RGS3: variants seen among roughly 807,000 people sequenced by gnomAD.
RGS3 encodes the protein regulator of G-protein signalling 3.
Under a neutral mutation model 132.6 loss-of-function variants are expected in RGS3, and 80 were observed. The ratio of observed to expected loss-of-function variants is 0.60; its 90% confidence interval spans 0.50 to 0.73. The LOEUF is 0.73. RGS3 is among the 30% of genes least tolerant of loss of function. RGS3 has a pLI of 0.00. For synonymous variants in RGS3, 598 were observed against 620.6 expected, an observed-to-expected ratio of 0.96 and a Z score of 0.54; for missense variants, 1,382 against 1,530.8, an observed-to-expected ratio of 0.90 and a Z score of 1.62.
Position 113,463,775 on chromosome 9 carries a change from G to A in RGS3, c.415+1574G>A, listed in dbSNP as rs1432387099. 7 of 1,587,482 alleles carry A rather than the reference G, an allele frequency of 4.4e-6. No individual in the cohort carries two copies. The Admixed American group carries it at 7.2e-5, about 16-fold the overall frequency. On this transcript the variant is annotated intron_variant, in intron 3 of 24. Coordinates refer to ENST00000350696, the Ensembl canonical transcript of RGS3. The surrounding 1 kb of genome is among the most constrained non-coding windows in gnomAD (Gnocchi z 4.6). Reference sequence around the variant, plus strand: ...AACACAGCCGCCTCGGGTTGCAGACGCTCCTGTCCGGGTCGCAGTGGGACG... The same window carrying A: ...AACACAGCCGCCTCGGGTTGCAGACACTCCTGTCCGGGTCGCAGTGGGACG...
chr9:113,577,529 A>G (rs1048569641), intron 19 of RGS3, among the ~76,000 whole-genome samples: 1 of 152,142 alleles, frequency 6.6e-6, no homozygotes, highest in Non-Finnish European at 1.5e-5. Context: ...TAGAGGAGGA[A>G]TGATGGACTT....
At chr9:113,551,033 T>G (rs908761848) in intron 19 of RGS3, among the ~76,000 whole-genome samples, 4 of 152,248 alleles carry the variant, frequency 2.6e-5, no homozygotes, top group African/African-American at 9.6e-5. Context: ...TTTTAGTGTA[T>G]TCACACACTT....
At chr9:113,497,206 C>G (rs1223528805) in intron 8 of RGS3, 108 bp from the exon 7 acceptor site, 1 of 805,022 alleles carries the variant, frequency 1.2e-6, no homozygotes, top group Non-Finnish European at 2.1e-6. Context: ...GAGTCTGTCT[C>G]TCCTGTGGGT....
At chr9:113,456,541 C>T (rs776082659), upstream of RGS3, among the ~76,000 whole-genome samples, 10 of 152,186 alleles carry the variant, frequency 6.6e-5, no homozygotes, top group Admixed American at 2.6e-4. Flanking sequence ...TGCCACTTCC[C>T]TAGTTTGGTC....
At position 113,463,905 on chromosome 9, in the gene RGS3, G is replaced by A. The variant is rs1564448598; in HGVS notation, c.415+1704G>A. ...TGGTAAGTGCCCGCTGGGGCTGGCG[G>A]CAGGGGCTGCTTCACCCTGCTCCCA... On this transcript the variant is annotated intron_variant, in intron 3 of 24. Coordinates refer to ENST00000350696, the Ensembl canonical transcript of RGS3. The surrounding 1 kb of genome is among the most constrained non-coding windows in gnomAD (Gnocchi z 4.6). 2 of 1,611,212 alleles carry A rather than the reference G, an allele frequency of 1.2e-6. No homozygotes were observed. The highest frequency in any genetic ancestry group is 1.7e-6 in the Non-Finnish European group (2 of 1,178,866).
chr9:113,588,142 C>T (rs1427309102), intron 20 of RGS3, among the ~76,000 whole-genome samples: 1 of 152,224 alleles, frequency 6.6e-6, no homozygotes, highest in Admixed American at 6.5e-5. Context: ...CTGCAGGGGA[C>T]TGGCCTGGGC....
chr9:113,557,074 T>C (rs1256856847), intron 19 of RGS3, among the ~76,000 whole-genome samples: 1 of 152,262 alleles, frequency 6.6e-6, no homozygotes, highest in East Asian at 1.9e-4. Context: ...CAGTGCCTAA[T>C]GTGTGTCAAA....
At chr9:113,556,482 A>G (rs1833571736) in intron 19 of RGS3, among the ~76,000 whole-genome samples, 2 of 152,152 alleles carry the variant, frequency 1.3e-5, no homozygotes, top group Non-Finnish European at 2.9e-5. Flanking sequence ...CACTATTGTT[A>G]TTATCCTCAT....
chr9:113,477,688 A>G (rs1830036708), intron 3 of RGS3, among the ~76,000 whole-genome samples: 2 of 152,220 alleles, frequency 1.3e-5, no homozygotes, highest in African/African-American at 4.8e-5. Context: ...GATCCGGGCA[A>G]TGAAAGTTAC....
chr9:113,502,980 C>A (rs1830965965), intron 10 of RGS3, among the ~76,000 whole-genome samples: 2 of 152,192 alleles, frequency 1.3e-5, no homozygotes, highest in African/African-American at 4.8e-5. Context: ...GGCTCAGTGT[C>A]TGCTGTGCAT....
At chr9:113,521,224 A>G (rs1831940398) in intron 16 of RGS3, among the ~76,000 whole-genome samples, 1 of 152,148 alleles carries the variant, frequency 6.6e-6, no homozygotes, top group East Asian at 1.9e-4. Context: ...GGAGAAGCCA[A>G]AGCCCCTGAG....
In RGS3 at chr9:113,579,909, A is replaced by G. The variant is rs1316917270; in HGVS notation, c.2038-3541A>G. On this transcript the variant is annotated intron_variant, in intron 19 of 24. Coordinates refer to ENST00000350696, the Ensembl canonical transcript of RGS3. The surrounding 1 kb of genome is among the most constrained non-coding windows in gnomAD (Gnocchi z 4.3). ...CTCTGCCTGTGGCATTTCGTTGCTC[A>G]CAGGGCAAATCCCATGCCCACCATG... is the stretch of plus-strand genomic sequence containing the variant. Among the ~76,000 whole-genome samples the G allele has an allele frequency of 7.2e-5, 11 of 152,308 alleles. No homozygotes were observed. Among genetic ancestry groups the G allele is most frequent in the African/African-American group, 2.4e-5 (1 of 41,554 alleles).
exon 25 of RGS3, chr9:113,597,113 GC>G: frequency 3.2e-6 from 2 of 632,332 alleles, no homozygotes; most frequent in Non-Finnish European, 5.3e-6. Flanking sequence ...ACCAAGAGAG[GC>G]CCAGGCTACT....
At chr9:113,477,010 G>A (rs1403277809) in intron 3 of RGS3, among the ~76,000 whole-genome samples, 3 of 152,076 alleles carry the variant, frequency 2.0e-5, no homozygotes, top group Non-Finnish European at 2.9e-5. Context: ...CATGACTGCG[G>A]GCTTCGTTTG....
intron 17 of RGS3, among the ~76,000 whole-genome samples, chr9:113,525,011 G>A (rs1455790640): frequency 6.6e-6 from 1 of 152,124 alleles, no homozygotes; most frequent in African/African-American, 2.4e-5. Flanking sequence ...TTGGCACTGT[G>A]GCTTCCTCTC....
chr9:113,574,996 C>G (rs1834447134), intron 19 of RGS3, among the ~76,000 whole-genome samples: 1 of 152,142 alleles, frequency 6.6e-6, no homozygotes, highest in Non-Finnish European at 1.5e-5. Context: ...TGGGTGGGGA[C>G]AAAGACTACG....
chr9:113,529,481 A>G (rs1832373059), intron 18 of RGS3, among the ~76,000 whole-genome samples: 1 of 152,232 alleles, frequency 6.6e-6, no homozygotes, highest in East Asian at 1.9e-4. Context: ...AGAGCAGTGG[A>G]CAGGAAAGTG....
At chr9:113,476,041 G>C (rs1414657444) in intron 3 of RGS3, among the ~76,000 whole-genome samples, 1 of 148,332 alleles carries the variant, frequency 6.7e-6, no homozygotes, top group African/African-American at 2.5e-5. Context: ...GGATTCAAGT[G>C]GTCCTCCCAC....
intron 19 of RGS3, among the ~76,000 whole-genome samples, chr9:113,572,077 G>A (rs551932522): frequency 1.2e-3 from 176 of 152,262 alleles, no homozygotes; most frequent in Non-Finnish European, 2.0e-3. Context: ...TAGGCAGGAC[G>A]TACAGTGTGA....
Sources: gnomAD v4.1 joint callset for allele counts (sites outside exome capture counted in the v4.1 genomes callset) on GRCh38, gnomAD v4.1.1 for gene constraint, Gnocchi (gnomAD v3.1) non-coding constraint, MANE v1.5 for transcripts, NCBI Gene and HGNC (gene_info 2026-07-23, HGNC 2026-07-21) for gene names.